The following GALNT17 variants were observed in gnomAD, a reference collection of about 807,000 sequenced individuals.
GALNT17 encodes the protein polypeptide N-acetylgalactosaminyltransferase 17.
A neutral mutation model predicts 63.7 loss-of-function variants in GALNT17; 29 were observed. The observed-to-expected ratio is 0.46, with a 90% CI of 0.34 to 0.62. The LOEUF is 0.62. Among genes scored for constraint, GALNT17 ranks in the 20% least tolerant of loss-of-function variants. The probability of loss-of-function intolerance (pLI) is 0.01; values close to 1 mark genes in which losing one functional copy is unlikely to be tolerated. For synonymous variants in GALNT17, 305 were observed against 318.3 expected (o/e 0.96, Z 0.45); for missense variants, 603 against 799.6 (o/e 0.75, Z 2.97).
intron 5 of GALNT17, among the ~76,000 whole-genome samples, chr7:71,497,144 G>A (rs1032777435): frequency 6.6e-6 from 1 of 152,144 alleles, no homozygotes; most frequent in Admixed American, 6.5e-5. Flanking sequence ...GGAGGGAGAT[G>A]TGGGTCCTCA....
intron 1 of GALNT17, among the ~76,000 whole-genome samples, chr7:71,303,217 T>G (rs1196872592): frequency 1.3e-5 from 2 of 151,772 alleles, no homozygotes; most frequent in East Asian, 3.9e-4. Flanking sequence ...AGCGCAGTGG[T>G]GAAATCATGG....
At chr7:71,339,470 T>C (rs1388725695) in intron 2 of GALNT17, among the ~76,000 whole-genome samples, 1 of 152,162 alleles carries the variant, frequency 6.6e-6, no homozygotes, top group Non-Finnish European at 1.5e-5. Context: ...GCGGATCACC[T>C]GAGGTCGGGA....
chr7:71,615,617 C>A (rs1368900820), intron 6 of GALNT17, among the ~76,000 whole-genome samples: 5 of 151,906 alleles, frequency 3.3e-5, no homozygotes, highest in African/African-American at 1.2e-4. Context: ...GTTGGGACTA[C>A]AGGCACATGC....
chr7:71,668,271 C>T (rs1019939144), intron 7 of GALNT17, among the ~76,000 whole-genome samples: 1 of 151,956 alleles, frequency 6.6e-6, no homozygotes, highest in African/African-American at 2.4e-5. Flanking sequence ...AATCCCAGCA[C>T]TTTGGGAGGC....
intron 5 of GALNT17, among the ~76,000 whole-genome samples, chr7:71,500,194 A>G (rs1411484303): frequency 6.6e-6 from 1 of 152,188 alleles, no homozygotes; most frequent in Non-Finnish European, 1.5e-5. Flanking sequence ...ATTATTGACA[A>G]TTAATTGCAC....
intron 1 of GALNT17, among the ~76,000 whole-genome samples, chr7:71,176,609 G>C (rs941161358): frequency 6.6e-6 from 1 of 152,158 alleles, no homozygotes; most frequent in Non-Finnish European, 1.5e-5. Context: ...CAAACCCACA[G>C]AGGTAGCTTC....
intron 1 of GALNT17, among the ~76,000 whole-genome samples, chr7:71,188,015 A>G (rs1788885319): frequency 1.3e-5 from 2 of 152,188 alleles, no homozygotes; most frequent in South Asian, 4.1e-4. Flanking sequence ...TTAGAATAAT[A>G]TTATAGTCTC....
chr7:71,554,549 G>A (rs558684445), intron 5 of GALNT17, among the ~76,000 whole-genome samples: 1 of 152,190 alleles, frequency 6.6e-6, no homozygotes, highest in East Asian at 1.9e-4. Flanking sequence ...TTTCCTACAG[G>A]CCAGGAGCTG....
At chr7:71,201,718 G>A (rs1033827975) in intron 1 of GALNT17, among the ~76,000 whole-genome samples, 4 of 150,460 alleles carry the variant, frequency 2.7e-5, no homozygotes, top group African/African-American at 9.8e-5. Flanking sequence ...TGCAACCTCC[G>A]CCTCCCGGGT....
intron 5 of GALNT17, among the ~76,000 whole-genome samples, chr7:71,555,026 G>A (rs1476373630): frequency 6.6e-6 from 1 of 152,168 alleles, no homozygotes; most frequent in East Asian, 1.9e-4. Context: ...AGTCATAGTG[G>A]AAGGGGAAGG....
chr7:71,256,852 G>A (rs1166233637), intron 1 of GALNT17, among the ~76,000 whole-genome samples: 1 of 152,230 alleles, frequency 6.6e-6, no homozygotes, highest in African/African-American at 2.4e-5. Context: ...GGTAGGAGAT[G>A]ACACTATCTA....
chr7:71,601,145 G>GAT (rs1268492703), intron 6 of GALNT17, among the ~76,000 whole-genome samples: 5 of 151,486 alleles, frequency 3.3e-5, no homozygotes, highest in East Asian at 1.9e-4. Context: ...ATATATATAT[G>GAT]ATATATATAT....
chr7:71,198,784 A>C (rs182893608), intron 1 of GALNT17, among the ~76,000 whole-genome samples: 1 of 152,204 alleles, frequency 6.6e-6, no homozygotes, highest in Non-Finnish European at 1.5e-5. Context: ...TCTTATAAAG[A>C]GACTGTATTT....
At chr7:71,607,938 T>A (rs531777008) in intron 6 of GALNT17, among the ~76,000 whole-genome samples, 1 of 152,296 alleles carries the variant, frequency 6.6e-6, no homozygotes, top group African/African-American at 2.4e-5. Context: ...TCCTGAACTT[T>A]CAGTTGCCTC....
intron 5 of GALNT17, among the ~76,000 whole-genome samples, chr7:71,538,888 AAG>A (rs915233471): frequency 2.4e-4 from 36 of 151,736 alleles, no homozygotes; most frequent in African/African-American, 8.7e-4. Flanking sequence ...GAGGGAGGGA[AAG>A]AGGGACAGAG....
intron 5 of GALNT17, among the ~76,000 whole-genome samples, chr7:71,489,100 G>A (rs1385410809): frequency 6.6e-6 from 1 of 151,224 alleles, no homozygotes; most frequent in Non-Finnish European, 1.5e-5. Flanking sequence ...CACTATGTTG[G>A]TCAGGCTGGT....
rs144332150 is a variant in GALNT17, at chr7:71,279,132, C to T, written c.239-56418C>T. ...GTAGAGATGGGTTTCACCATGTTGGCCAGGATGGTCTCGATCTCCTTACCT... is the reference window on the plus strand; with the variant it reads ...GTAGAGATGGGTTTCACCATGTTGGTCAGGATGGTCTCGATCTCCTTACCT... On this transcript the variant is annotated intron_variant, in intron 1 of 10. Transcript: ENST00000333538. Among the ~76,000 whole-genome samples the T allele has an allele frequency of 3.4e-3, 524 of 151,980 alleles. 5 individuals are homozygous for T. Among genetic ancestry groups the T allele is most frequent in the African/African-American group, 0.012 (494 of 41,456 alleles).
intron 6 of GALNT17, among the ~76,000 whole-genome samples, chr7:71,628,654 G>A (rs1482590841): frequency 6.6e-6 from 1 of 152,152 alleles, no homozygotes; most frequent in African/African-American, 2.4e-5. Context: ...GAATTGGCCA[G>A]GTGCGGTGGC....
At chr7:71,629,598 G>C (rs1790426827) in intron 6 of GALNT17, among the ~76,000 whole-genome samples, 1 of 151,992 alleles carries the variant, frequency 6.6e-6, no homozygotes, top group Admixed American at 6.6e-5. Flanking sequence ...TCCCACCTCA[G>C]CCTCTTGAGT....
Sources: allele counts gnomAD v4.1 joint callset (sites outside exome capture counted in the v4.1 genomes callset), GRCh38; gene constraint gnomAD v4.1.1; transcripts MANE v1.5; gene names NCBI Gene and HGNC (gene_info 2026-07-23, HGNC 2026-07-21).